Variants in RNF180 observed in about 807,000 individuals in gnomAD.
The protein encoded by RNF180 is E3 ubiquitin-protein ligase RNF180.
RNF180 carries 38 observed loss-of-function variants against 59.2 expected under a neutral mutation model. That is an observed-to-expected ratio of 0.64 (90% CI 0.50 to 0.84). The LOEUF (loss-of-function observed/expected upper bound fraction) is 0.84. Ranked by LOEUF, RNF180 falls within the 40% of genes least tolerant of loss-of-function variation. The probability of loss-of-function intolerance (pLI) is 0.00; values close to 1 mark genes in which losing one functional copy is unlikely to be tolerated. For synonymous variants in RNF180, 262 were observed against 240.3 expected (o/e 1.09, Z -0.84); for missense variants, 705 against 700.9 (o/e 1.01, Z -0.07).
At chr5:64,216,667 A>G (rs1040839662) in intron 4 of RNF180, among the ~76,000 whole-genome samples, 18 of 152,188 alleles carry the variant, frequency 1.2e-4, no homozygotes, top group African/African-American at 4.3e-4. Context: ...AAATATTTGA[A>G]TCTTAGGGAT....
intron 5 of RNF180, among the ~76,000 whole-genome samples, chr5:64,289,200 T>G (rs893149725): frequency 2.6e-5 from 4 of 152,216 alleles, no homozygotes; most frequent in African/African-American, 9.6e-5. Flanking sequence ...CATTTATTGA[T>G]CTGAATACAT....
At chr5:64,235,473 G>A (rs907351160) in intron 5 of RNF180, among the ~76,000 whole-genome samples, 2 of 151,636 alleles carry the variant, frequency 1.3e-5, no homozygotes, top group Non-Finnish European at 2.9e-5. Flanking sequence ...TTTCCCCTTA[G>A]GATAAATATA....
At chr5:64,252,363 A>T (rs571680450) in intron 5 of RNF180, among the ~76,000 whole-genome samples, 1 of 152,336 alleles carries the variant, frequency 6.6e-6, no homozygotes, top group East Asian at 1.9e-4. Context: ...TTTAAAAGAT[A>T]CATCATATGA....
At chr5:64,354,259 A>G (rs1285563726) in intron 7 of RNF180, among the ~76,000 whole-genome samples, 1 of 151,800 alleles carries the variant, frequency 6.6e-6, no homozygotes, top group African/African-American at 2.4e-5. Context: ...TAATAAATAA[A>G]AAACAGTGGA....
At chr5:64,306,733 C>G (rs944470639) in intron 5 of RNF180, among the ~76,000 whole-genome samples, 3 of 151,010 alleles carry the variant, frequency 2.0e-5, no homozygotes, top group Non-Finnish European at 3.0e-5. Flanking sequence ...GACAAAAAAC[C>G]AAACACCACA....
intron 5 of RNF180, among the ~76,000 whole-genome samples, chr5:64,294,327 T>C (rs1198483509): frequency 1.3e-5 from 2 of 152,326 alleles, no homozygotes; most frequent in East Asian, 3.9e-4. Context: ...TAAATGCATG[T>C]ATCAAAACAT....
intron 5 of RNF180, among the ~76,000 whole-genome samples, chr5:64,237,478 A>G (rs541931701): frequency 6.6e-6 from 1 of 152,216 alleles, no homozygotes; most frequent in African/African-American, 2.4e-5. Context: ...ATAGGCTCAT[A>G]GGTGGGAGGG....
intron 5 of RNF180, among the ~76,000 whole-genome samples, chr5:64,291,289 G>T (rs1166680153): frequency 6.6e-6 from 1 of 151,806 alleles, no homozygotes; most frequent in Admixed American, 6.6e-5. Flanking sequence ...TAGATAATCT[G>T]ATGATTATGT....
chr5:64,336,484 A>G (rs1403346022), intron 7 of RNF180, among the ~76,000 whole-genome samples: 5 of 152,232 alleles, frequency 3.3e-5, no homozygotes, highest in African/African-American at 1.2e-4. Context: ...TTTGGTATAT[A>G]GGCTCCAAAG....
intron 5 of RNF180, among the ~76,000 whole-genome samples, chr5:64,224,062 G>GGTGT (rs10694125): frequency 0.086 from 12,188 of 141,334 alleles, 511 homozygotes; most frequent in East Asian, 0.12. Flanking sequence ...TCTAGGTTGG[G>GGTGT]GTGTGTGTGT....
chr5:64,231,120 A>C (rs546545151), intron 5 of RNF180, among the ~76,000 whole-genome samples: 1 of 152,340 alleles, frequency 6.6e-6, no homozygotes, highest in East Asian at 1.9e-4. Context: ...CTTAGGTAAA[A>C]GGTATGGCAC....
At chr5:64,337,887 T>G (rs902676042) in intron 7 of RNF180, among the ~76,000 whole-genome samples, 2 of 152,210 alleles carry the variant, frequency 1.3e-5, no homozygotes, top group Non-Finnish European at 2.9e-5. Flanking sequence ...TGCCACATTT[T>G]CTTAATCCAA....
chr5:64,315,570 C>A (rs1335624285), intron 5 of RNF180, among the ~76,000 whole-genome samples: 1 of 151,762 alleles, frequency 6.6e-6, no homozygotes, highest in Non-Finnish European at 1.5e-5. Context: ...CATGGTGAAA[C>A]CCCTTCTCTA....
intron 7 of RNF180, among the ~76,000 whole-genome samples, chr5:64,331,729 C>T (rs1033000850): frequency 3.3e-5 from 5 of 152,140 alleles, no homozygotes; most frequent in African/African-American, 1.2e-4. Flanking sequence ...AACTGTAACA[C>T]AATAAGGGCT....
intron 7 of RNF180, among the ~76,000 whole-genome samples, chr5:64,358,004 T>C (rs1194738510): frequency 6.6e-6 from 1 of 151,896 alleles, no homozygotes; most frequent in Non-Finnish European, 1.5e-5. Context: ...CTCCAAGAGC[T>C]TGTTTTTCCA....
At chr5:64,247,695 T>C (rs1743279227) in intron 5 of RNF180, among the ~76,000 whole-genome samples, 1 of 152,182 alleles carries the variant, frequency 6.6e-6, no homozygotes, top group Admixed American at 6.5e-5. Context: ...CAAAGTAATT[T>C]ATAGATTCAA....
Position 64,193,959 on chromosome 5 carries a change from GA to G in RNF180, c.1-6848del, listed in dbSNP as rs759899079. Among the ~76,000 whole-genome samples the G allele has an allele frequency of 1.1e-4, 16 of 152,130 alleles. No individual in the cohort carries two copies. In the East Asian group the frequency reaches 1.9e-3, roughly 18 times the overall value. ...GAGGCAAGCATGAGGTTATATTGAT[GA>G]GAGGAAAAGAGGGAAAGGAAGAGAG... On this transcript the variant is annotated intron_variant, in intron 1 of 7. Transcript: ENST00000389100.
intron 1 of RNF180, among the ~76,000 whole-genome samples, chr5:64,178,892 T>G (rs540341899): frequency 6.6e-6 from 1 of 152,248 alleles, no homozygotes; most frequent in South Asian, 2.1e-4. Context: ...TATATGGTCC[T>G]CAATGCAGAC....
chr5:64,335,081 G>C (rs1745065251), intron 7 of RNF180, among the ~76,000 whole-genome samples: 1 of 152,104 alleles, frequency 6.6e-6, no homozygotes, highest in South Asian at 2.1e-4. Context: ...TATCTCATTG[G>C]GGTTTTAATT....
Sources: allele counts gnomAD v4.1 joint callset (sites outside exome capture counted in the v4.1 genomes callset), GRCh38; gene constraint gnomAD v4.1.1; transcripts MANE v1.5; gene names NCBI Gene and HGNC (gene_info 2026-07-23, HGNC 2026-07-21).